MYRIP: variants seen among roughly 807,000 people sequenced by gnomAD.
MYRIP encodes rab effector MyRIP.
A neutral mutation model predicts 98.0 loss-of-function variants in MYRIP; 49 were observed. That is an observed-to-expected ratio of 0.50 (90% confidence interval 0.40 to 0.63). MYRIP has a LOEUF of 0.63. Ranked by LOEUF, MYRIP falls within the 30% of genes least tolerant of loss-of-function variation. The pLI, the probability that MYRIP is intolerant of heterozygous loss-of-function variation, is 0.00. For missense variants in MYRIP, 1,004 were observed against 1,058.2 expected (o/e 0.95, Z 0.71); for synonymous variants, 404 against 409.5 (o/e 0.99, Z 0.16).
chr3:39,845,052 G>C (rs1476942852), intron 1 of MYRIP, among the ~76,000 whole-genome samples: 1 of 152,136 alleles, frequency 6.6e-6, no homozygotes, highest in Admixed American at 6.5e-5. Context: ...ATCCAAAAGA[G>C]CTCATTAAGC....
At chr3:39,838,521 G>A (rs973472697) in intron 1 of MYRIP, among the ~76,000 whole-genome samples, 43 of 152,074 alleles carry the variant, frequency 2.8e-4, no homozygotes, top group African/African-American at 1.0e-3. Context: ...TTATTGATTT[G>A]CATATGTTGA....
At chr3:39,905,093 C>T (rs1943845401) in intron 2 of MYRIP, among the ~76,000 whole-genome samples, 2 of 152,174 alleles carry the variant, frequency 1.3e-5, no homozygotes. Context: ...CTCCTACCTC[C>T]AGGTGCTTTG....
chr3:39,967,721 T>A (rs1280052726), intron 2 of MYRIP, among the ~76,000 whole-genome samples: 1 of 152,182 alleles, frequency 6.6e-6, no homozygotes, highest in African/African-American at 2.4e-5. Flanking sequence ...GTGTTCCCAT[T>A]TCCCTGCAAC....
At chr3:39,979,260 A>G (rs1219519548) in intron 2 of MYRIP, among the ~76,000 whole-genome samples, 1 of 152,150 alleles carries the variant, frequency 6.6e-6, no homozygotes, top group African/African-American at 2.4e-5. Context: ...GCTGGGATAT[A>G]TAGACATGTG....
chr3:40,130,931 C>T (rs983739254), intron 3 of MYRIP, among the ~76,000 whole-genome samples: 1 of 152,142 alleles, frequency 6.6e-6, no homozygotes, highest in African/African-American at 2.4e-5. Flanking sequence ...TTTCCTGTTA[C>T]ACTGTGAGCT....
rs1941429089 is a variant in MYRIP, at chr3:39,831,020, A to G, written c.-31+21104A>G. ...AATTCTTAGTACTCATGATACTTAA[A>G]ATTTTAGCAGCCTTCGAAGCAACCA... On this transcript the variant is annotated intron_variant, in intron 1 of 16. Transcript: ENST00000302541. Among the ~76,000 whole-genome samples the G allele has an allele frequency of 3.3e-5, 5 of 152,230 alleles. No individual in the cohort carries two copies. The South Asian group carries it at 1.0e-3, about 32-fold the overall frequency.
At chr3:40,110,711 G>A (rs1313012364) in intron 3 of MYRIP, among the ~76,000 whole-genome samples, 1 of 152,108 alleles carries the variant, frequency 6.6e-6, no homozygotes, top group Non-Finnish European at 1.5e-5. Flanking sequence ...GTCCAAGGCT[G>A]GGACATGGTG....
chr3:39,841,861 A>G (rs1474319557), intron 1 of MYRIP, among the ~76,000 whole-genome samples: 1 of 152,188 alleles, frequency 6.6e-6, no homozygotes, highest in Admixed American at 6.5e-5. Context: ...CGCAGATGCC[A>G]GCTGGAGCTC....
intron 3 of MYRIP, among the ~76,000 whole-genome samples, chr3:40,088,806 G>C (rs540693308): frequency 2.0e-5 from 3 of 152,340 alleles, no homozygotes; most frequent in Non-Finnish European, 2.9e-5. Context: ...ACAGCCATTA[G>C]GTATTTTTGG....
chr3:40,005,989 C>T (rs536581377), intron 2 of MYRIP, among the ~76,000 whole-genome samples: 12 of 151,912 alleles, frequency 7.9e-5, no homozygotes, highest in East Asian at 1.9e-4. Flanking sequence ...TGGAGGTGGC[C>T]GAATGGAATT....
Position 39,809,763 on chromosome 3 carries a change from G to C in MYRIP, c.-184G>C, listed in dbSNP as rs916602860. The C allele has an allele frequency of 7.9e-5, 12 of 152,288 alleles. No homozygotes were observed. The highest frequency in any genetic ancestry group is 2.9e-4 in the African/African-American group (12 of 41,554). The allele number at this position is 152,288 out of a possible 1,614,324, so 9.4% of individuals were successfully genotyped here. On this transcript the variant is annotated 5_prime_UTR_variant, in exon 1 of 17. Transcript: ENST00000302541. ...CGGTGCTGCAGCCCAGCTTTAGCGCGCAGACCGACCCGCGCCCCTTCTTCG... is the reference window on the plus strand; with the variant it reads ...CGGTGCTGCAGCCCAGCTTTAGCGCCCAGACCGACCCGCGCCCCTTCTTCG...
intron 2 of MYRIP, among the ~76,000 whole-genome samples, chr3:39,997,728 C>G (rs1370584743): frequency 6.6e-6 from 1 of 152,030 alleles, no homozygotes; most frequent in South Asian, 2.1e-4. Context: ...AGAGACACAA[C>G]AAAAAAAGAG....
intron 3 of MYRIP, among the ~76,000 whole-genome samples, chr3:40,091,438 T>G (rs1249642057): frequency 6.6e-6 from 1 of 152,174 alleles, no homozygotes; most frequent in Non-Finnish European, 1.5e-5. Flanking sequence ...ATTTTGGGTT[T>G]CCTGGCCAGA....
At chr3:39,829,527 C>T (rs962446818) in intron 1 of MYRIP, among the ~76,000 whole-genome samples, 4 of 151,986 alleles carry the variant, frequency 2.6e-5, no homozygotes, top group African/African-American at 9.7e-5. Flanking sequence ...TCTCAGTGTC[C>T]TAGGCTGTGA....
At chr3:39,931,625 T>C (rs773450146) in intron 2 of MYRIP, among the ~76,000 whole-genome samples, 1 of 152,196 alleles carries the variant, frequency 6.6e-6, no homozygotes, top group Non-Finnish European at 1.5e-5. Flanking sequence ...TCTTTATTCA[T>C]GAACTATGAT....
intron 9 of MYRIP, among the ~76,000 whole-genome samples, chr3:40,182,865 G>T (rs1456684725): frequency 6.6e-6 from 1 of 152,174 alleles, no homozygotes; most frequent in Non-Finnish European, 1.5e-5. Flanking sequence ...GGATAAATTA[G>T]TTAGGGTAGC....
intron 14 of MYRIP, 41 bp downstream of exon 14, chr3:40,250,367 G>C (rs1352772040): frequency 6.2e-7 from 1 of 1,612,976 alleles, no homozygotes; most frequent in African/African-American, 1.3e-5. Context: ...ATGTTACATG[G>C]CTTGGAAAAT....
In MYRIP at chr3:39,865,585, G is replaced by A. The variant is rs560791390; in HGVS notation, c.-30-35202G>A. Among the ~76,000 whole-genome samples, 35 of 152,222 alleles carry A rather than the reference G, an allele frequency of 2.3e-4. No homozygotes were observed. The South Asian group carries it at 6.8e-3, about 30-fold the overall frequency. On this transcript the variant is annotated intron_variant, in intron 1 of 16. Coordinates refer to ENST00000302541, the MANE Select transcript of MYRIP (RefSeq NM_015460.4). ...AAGCATATGAAAAAATGCTCTGCAT[G>A]ACTGATCATTAGAGAAATGCACATC...
chr3:40,071,279 TG>T (rs1948220630), intron 3 of MYRIP: 1 of 804,646 alleles, frequency 1.2e-6, no homozygotes. Context: ...GAGAGATGGC[TG>T]GATCAGGGGA....
Sources: gnomAD v4.1 joint callset for allele counts (sites outside exome capture counted in the v4.1 genomes callset) on GRCh38, gnomAD v4.1.1 for gene constraint, MANE v1.5 for transcripts, NCBI Gene and HGNC (gene_info 2026-07-23, HGNC 2026-07-21) for gene names.